Variants in SLC35F1 observed in about 807,000 individuals in gnomAD.
SLC35F1 encodes the protein chromosome 6 open reading frame 169.
In SLC35F1, 14 loss-of-function variants were observed where a neutral mutation model predicts 48.7. The ratio of observed to expected loss-of-function variants is 0.29; its 90% CI spans 0.19 to 0.45. The LOEUF (loss-of-function observed/expected upper bound fraction) is 0.45, where lower values mean the gene tolerates loss of function less well. Among genes scored for constraint, SLC35F1 ranks in the 20% least tolerant of loss-of-function variants. The probability of loss-of-function intolerance (pLI) is 1.00; values close to 1 mark genes in which losing one functional copy is unlikely to be tolerated. For missense variants in SLC35F1, 404 were observed against 500.0 expected (o/e 0.81, Z 1.83); for synonymous variants, 190 against 202.2 (o/e 0.94, Z 0.51).
At chr6:118,152,094 G>C (rs1181906677) in intron 1 of SLC35F1, among the ~76,000 whole-genome samples, 1 of 152,186 alleles carries the variant, frequency 6.6e-6, no homozygotes, top group Non-Finnish European at 1.5e-5. Flanking sequence ...ACAAAGAGAT[G>C]CATTCCAGGG....
chr6:117,976,841 G>A (rs1776712349), intron 1 of SLC35F1, among the ~76,000 whole-genome samples: 1 of 152,056 alleles, frequency 6.6e-6, no homozygotes, highest in South Asian at 2.1e-4. Flanking sequence ...AGTTAACGTT[G>A]GGGCATATTT....
intron 7 of SLC35F1, among the ~76,000 whole-genome samples, chr6:118,288,216 C>T (rs568774238): frequency 2.8e-4 from 42 of 152,224 alleles, no homozygotes; most frequent in African/African-American, 9.4e-4. Flanking sequence ...GCCCAGTTAA[C>T]CCCTGTGAGC....
chr6:118,156,484 T>C (rs539869862), intron 2 of SLC35F1, among the ~76,000 whole-genome samples: 2 of 152,032 alleles, frequency 1.3e-5, no homozygotes, highest in East Asian at 3.9e-4. Context: ...TGAGATCACT[T>C]GGACACAGGG....
At chr6:118,089,188 T>A (rs1773036417) in intron 1 of SLC35F1, among the ~76,000 whole-genome samples, 1 of 152,120 alleles carries the variant, frequency 6.6e-6, no homozygotes, top group African/African-American at 2.4e-5. Flanking sequence ...TTGATAACCA[T>A]TTTTATAATT....
intron 1 of SLC35F1, among the ~76,000 whole-genome samples, chr6:117,953,660 T>C (rs536280979): frequency 6.6e-6 from 1 of 152,330 alleles, no homozygotes; most frequent in South Asian, 2.1e-4. Context: ...ACCAGAACAG[T>C]AGGCCAAAGA....
intron 2 of SLC35F1, among the ~76,000 whole-genome samples, chr6:118,234,392 C>T (rs928599): frequency 0.92 from 139,905 of 152,216 alleles, 64,402 homozygotes; most frequent in East Asian, 0.98. Context: ...TGTCCTGGGA[C>T]AAAACAAATG....
At chr6:117,985,315 A>G (rs1459677389) in intron 1 of SLC35F1, among the ~76,000 whole-genome samples, 7 of 152,240 alleles carry the variant, frequency 4.6e-5, no homozygotes, top group Admixed American at 6.5e-5. Context: ...AACTTTTTAA[A>G]TTGAGCAGGG....
chr6:118,086,883 T>A (rs1772998742), intron 1 of SLC35F1, among the ~76,000 whole-genome samples: 1 of 152,218 alleles, frequency 6.6e-6, no homozygotes, highest in Non-Finnish European at 1.5e-5. Context: ...CTTGTCAGGT[T>A]CACTGGAATC....
Position 118,098,603 on chromosome 6 carries a change from TA to T in SLC35F1, c.174-55841del, listed in dbSNP as rs541894530. On this transcript the variant is annotated intron_variant, in intron 1 of 7. Coordinates refer to ENST00000360388, the MANE Select transcript of SLC35F1 (RefSeq NM_001029858.4). ...TTGGCTCCTGTCTTATGTCTTTTTT[TA>T]TAATTCCCTCTTTGTGTGCAGCTTA... 7.5e-4 allele frequency among the ~76,000 whole-genome samples: 114 copies of T among 152,308 alleles called. 1 individual carries two copies. The South Asian group carries it at 0.023, about 31-fold the overall frequency.
chr6:117,920,209 ACGGGG>A (rs1775879721), intron 1 of SLC35F1, among the ~76,000 whole-genome samples: 1 of 152,068 alleles, frequency 6.6e-6, no homozygotes, highest in Non-Finnish European at 1.5e-5. Flanking sequence ...ACGCGGGTGG[ACGGGG>A]AGGGCGTGCG....
chr6:118,047,945 T>G (rs1772324883), intron 1 of SLC35F1, among the ~76,000 whole-genome samples: 1 of 152,216 alleles, frequency 6.6e-6, no homozygotes, highest in Admixed American at 6.5e-5. Context: ...AGAGAGGGAA[T>G]CCCTGTCTTG....
At position 118,246,491 on chromosome 6, in the gene SLC35F1, G is replaced by T. The variant is rs138759704; in HGVS notation, c.477+10855G>T. On this transcript the variant is annotated intron_variant, in intron 3 of 7. Coordinates refer to ENST00000360388, the MANE Select transcript of SLC35F1 (RefSeq NM_001029858.4). ...AATGCCATGGAACTACAGAGGAGGA[G>T]TGACTGGCTCTACCCCGTGACAGAC... 2.3e-4 allele frequency among the ~76,000 whole-genome samples: 35 copies of T among 152,302 alleles called. No individual in the cohort carries two copies. In the East Asian group the frequency reaches 6.6e-3, roughly 29 times the overall value.
intron 3 of SLC35F1, among the ~76,000 whole-genome samples, chr6:118,265,234 G>T (rs1489237944): frequency 1.3e-5 from 2 of 152,180 alleles, no homozygotes; most frequent in East Asian, 1.9e-4. Context: ...GGGATGCTTT[G>T]CAAATACGCA....
chr6:118,023,096 G>C (rs1241758362), intron 1 of SLC35F1, among the ~76,000 whole-genome samples: 1 of 152,052 alleles, frequency 6.6e-6, no homozygotes, highest in Non-Finnish European at 1.5e-5. Context: ...CCTTATACAG[G>C]AATAGAGAAT....
At chr6:118,236,185 C>T (rs1021048917) in intron 3 of SLC35F1, among the ~76,000 whole-genome samples, 2 of 152,026 alleles carry the variant, frequency 1.3e-5, no homozygotes. Flanking sequence ...ATGTGTTATG[C>T]GTGAAGATAG....
intron 1 of SLC35F1, among the ~76,000 whole-genome samples, chr6:118,015,438 T>G (rs1245715384): frequency 6.6e-6 from 1 of 152,032 alleles, no homozygotes; most frequent in East Asian, 1.9e-4. Flanking sequence ...GCTCCTCTCC[T>G]TCCTTGTACC....
chr6:118,238,780 T>C lies in SLC35F1; in HGVS notation c.477+3144T>C, dbSNP rs891260381. On this transcript the variant is annotated intron_variant, in intron 3 of 7. Transcript: ENST00000360388. ...AGGCCACACTAATGGCCAAGGGGAA[T>C]GCTGTGAGTTAATTGGCTTAGACCT... is the stretch of plus-strand genomic sequence containing the variant. Among the ~76,000 whole-genome samples the C allele has an allele frequency of 1.2e-4, 19 of 152,302 alleles. 1 individual carries two copies. Among genetic ancestry groups the C allele is most frequent in the Admixed American group, 7.2e-4 (11 of 15,298 alleles).
At chr6:118,060,819 G>A (rs928383320) in intron 1 of SLC35F1, among the ~76,000 whole-genome samples, 7 of 152,094 alleles carry the variant, frequency 4.6e-5, no homozygotes, top group Non-Finnish European at 7.4e-5. Context: ...TCTTTTACAC[G>A]TTCTACAGAT....
intron 1 of SLC35F1, among the ~76,000 whole-genome samples, chr6:117,931,038 A>G (rs1163495211): frequency 2.6e-5 from 4 of 152,078 alleles, no homozygotes; most frequent in Admixed American, 6.6e-5. Context: ...TACCCCACAG[A>G]GATGTTTTGA....
Sources: gnomAD v4.1 joint callset for allele counts (sites outside exome capture counted in the v4.1 genomes callset) on GRCh38, gnomAD v4.1.1 for gene constraint, MANE v1.5 for transcripts, NCBI Gene and HGNC (gene_info 2026-07-23, HGNC 2026-07-21) for gene names.